Variants in LTBP1 observed in about 807,000 individuals in gnomAD.
The protein encoded by LTBP1 is latent transforming growth factor beta binding protein 1, also known as latent-transforming growth factor beta-binding protein 1.
In LTBP1, 129 loss-of-function variants were observed where a neutral mutation model predicts 207.6. That is an observed-to-expected ratio of 0.62 (90% CI 0.54 to 0.72). LTBP1 has a LOEUF of 0.72. LTBP1 is among the 30% of genes least tolerant of loss of function. LTBP1 has a pLI of 0.00. For missense variants in LTBP1, 2,281 were observed against 2,217.2 expected (o/e 1.03, Z -0.58); for synonymous variants, 963 against 833.7 (o/e 1.16, Z -2.67).
intron 10 of LTBP1, among the ~76,000 whole-genome samples, chr2:33,248,806 C>T (rs1381885013): frequency 6.6e-6 from 1 of 152,154 alleles, no homozygotes; most frequent in East Asian, 1.9e-4. Flanking sequence ...AGGCTGGTCT[C>T]GAACTCCTAA....
At chr2:33,049,111 G>C (rs540605833) in intron 3 of LTBP1, among the ~76,000 whole-genome samples, 40 of 152,276 alleles carry the variant, frequency 2.6e-4, no homozygotes, top group African/African-American at 8.9e-4. Flanking sequence ...TAAAATAAAT[G>C]TACAGAAATA....
At chr2:33,049,093 A>T (rs565434595) in intron 3 of LTBP1, among the ~76,000 whole-genome samples, 2 of 152,360 alleles carry the variant, frequency 1.3e-5, no homozygotes, top group African/African-American at 4.8e-5. Flanking sequence ...CTACACAGAG[A>T]GCACTTGTAA....
At chr2:33,333,892 A>G (rs570823446) in intron 24 of LTBP1, among the ~76,000 whole-genome samples, 40 of 152,252 alleles carry the variant, frequency 2.6e-4, no homozygotes, top group Non-Finnish European at 5.3e-4. Flanking sequence ...TCTAGGACTA[A>G]GCTCTGAGAA....
intron 3 of LTBP1, among the ~76,000 whole-genome samples, chr2:33,044,109 G>T (rs2076327726): frequency 1.3e-5 from 2 of 149,058 alleles, no homozygotes; most frequent in African/African-American, 4.9e-5. Flanking sequence ...ATGAAATAGA[G>T]TTGTTAAAGG....
chr2:33,172,103 C>T (rs1307333405), intron 5 of LTBP1, among the ~76,000 whole-genome samples: 11 of 152,094 alleles, frequency 7.2e-5, no homozygotes, highest in Admixed American at 1.3e-4. Flanking sequence ...CATCAACTAA[C>T]GAGCAAAATA....
intron 5 of LTBP1, among the ~76,000 whole-genome samples, chr2:33,143,951 C>G (rs1157895208): frequency 6.6e-6 from 1 of 152,110 alleles, no homozygotes; most frequent in African/African-American, 2.4e-5. Flanking sequence ...ATATGATATC[C>G]TAACCTTCCT....
At chr2:33,322,310 C>T (rs1014964687) in intron 24 of LTBP1, among the ~76,000 whole-genome samples, 1 of 152,188 alleles carries the variant, frequency 6.6e-6, no homozygotes, top group African/African-American at 2.4e-5. Context: ...GACATCCACT[C>T]ATGCTCTGGT....
rs766791233 is a variant in LTBP1, at chr2:33,360,621, C to T, written c.4025C>T (p.Pro1342Leu). Reference protein sequence around the residue: ...STDLDVDVDQPKEEKKECYYN... With the variant: ...STDLDVDVDQLKEEKKECYYN... ...GATTTAGATGTAGATGTAGATCAAC[C>T]CAAAGAAGAAAAGAAAGAATGCTAC... The change falls in exon 27 of 34, where the codon CCC becomes CTC. Residue 1342 changes from proline (P) to leucine (L), a missense_variant. Coordinates refer to ENST00000404816, the MANE Select transcript of LTBP1 (RefSeq NM_206943.4). 2.5e-6 allele frequency: 4 copies of T among 1,613,368 alleles called. No homozygotes were observed. The highest frequency in any genetic ancestry group is 2.2e-5 in the East Asian group (1 of 44,876).
intron 3 of LTBP1, among the ~76,000 whole-genome samples, chr2:33,054,099 T>C (rs2076873318): frequency 1.3e-5 from 2 of 152,212 alleles, no homozygotes; most frequent in Non-Finnish European, 2.9e-5. Flanking sequence ...TCCAGAACTG[T>C]GAACCATTCT....
chr2:33,001,886 G>T (rs527932683), intron 2 of LTBP1, among the ~76,000 whole-genome samples: 6 of 135,176 alleles, frequency 4.4e-5, no homozygotes, highest in African/African-American at 1.5e-4. Context: ...AGGAGAAAGT[G>T]TCCTGTTGTA....
chr2:33,310,017 G>A (rs1408475374), intron 23 of LTBP1, among the ~76,000 whole-genome samples: 9 of 145,920 alleles, frequency 6.2e-5, no homozygotes, highest in African/African-American at 1.3e-4. Flanking sequence ...GTATGATCTC[G>A]GCTCACTGCA....
intron 3 of LTBP1, among the ~76,000 whole-genome samples, chr2:33,024,308 G>C (rs956245663): frequency 1.3e-5 from 2 of 152,190 alleles, no homozygotes; most frequent in Non-Finnish European, 2.9e-5. Flanking sequence ...GTTGGTGTGT[G>C]GTGGGGAAGA....
At chr2:33,233,954 T>TTG (rs1359338010) in intron 9 of LTBP1, among the ~76,000 whole-genome samples, 2 of 151,946 alleles carry the variant, frequency 1.3e-5, no homozygotes, top group African/African-American at 4.8e-5. Flanking sequence ...AAGTAGTGGT[T>TTG]TGTGTGTGTC....
At chr2:33,297,939 G>A (rs961565526) in intron 20 of LTBP1, among the ~76,000 whole-genome samples, 4 of 152,138 alleles carry the variant, frequency 2.6e-5, no homozygotes, top group African/African-American at 9.7e-5. Context: ...GAATCCTGTA[G>A]CTTTTCCCCA....
intron 31 of LTBP1, among the ~76,000 whole-genome samples, chr2:33,387,848 G>A (rs1362098030): frequency 6.6e-6 from 1 of 151,810 alleles, no homozygotes; most frequent in Non-Finnish European, 1.5e-5. Context: ...TGTGGCCATT[G>A]CCTTGCATGA....
intron 2 of LTBP1, among the ~76,000 whole-genome samples, chr2:32,983,513 A>G (rs1683077862): frequency 6.6e-6 from 1 of 152,168 alleles, no homozygotes; most frequent in Non-Finnish European, 1.5e-5. Flanking sequence ...GGGAGGGGCC[A>G]GGGGTGGAAT....
intron 15 of LTBP1, among the ~76,000 whole-genome samples, chr2:33,265,490 A>T (rs1573510606): frequency 6.6e-6 from 1 of 152,246 alleles, no homozygotes; most frequent in Non-Finnish European, 1.5e-5. Context: ...TGTTACATCT[A>T]TACATTGGAA....
intron 3 of LTBP1, among the ~76,000 whole-genome samples, chr2:33,090,247 T>C (rs1444247154): frequency 2.6e-5 from 4 of 152,230 alleles, no homozygotes; most frequent in Non-Finnish European, 4.4e-5. Context: ...TTTGAAGATA[T>C]TCTTTGTGTT....
chr2:33,344,818 T>C (rs2094680322), intron 25 of LTBP1, among the ~76,000 whole-genome samples: 1 of 152,188 alleles, frequency 6.6e-6, no homozygotes, highest in Admixed American at 6.5e-5. Flanking sequence ...GCTCAGTAAA[T>C]TTTGTTTAAC....
Sources: allele counts gnomAD v4.1 joint callset (sites outside exome capture counted in the v4.1 genomes callset), GRCh38; gene constraint gnomAD v4.1.1; transcripts MANE v1.5; gene names NCBI Gene and HGNC (gene_info 2026-07-23, HGNC 2026-07-21).